Variants in SLC2A9 observed in about 807,000 individuals in gnomAD.
SLC2A9 encodes the protein solute carrier family 2 member 9, also known as solute carrier family 2, facilitated glucose transporter member 9.
In SLC2A9, 39 loss-of-function variants were observed where a neutral mutation model predicts 50.6. The ratio of observed to expected loss-of-function variants is 0.77; its 90% confidence interval spans 0.60 to 1.01. The LOEUF (loss-of-function observed/expected upper bound fraction) is 1.01. SLC2A9 is among the 50% of genes least tolerant of loss of function. The probability of loss-of-function intolerance (pLI) is 0.00; values close to 1 mark genes in which losing one functional copy is unlikely to be tolerated. For synonymous variants in SLC2A9, 324 were observed against 276.9 expected, an observed-to-expected ratio of 1.17 and a Z score of -1.69; for missense variants, 686 against 677.6, an observed-to-expected ratio of 1.01 and a Z score of -0.14.
intron 1 of SLC2A9, among the ~76,000 whole-genome samples, chr4:9,772,829 T>TG (rs147642873): frequency 6.6e-6 from 1 of 151,492 alleles, no homozygotes; most frequent in Admixed American, 6.6e-5. Context: ...TTTTTTATTT[T>TG]TTTTTTATTA....
At chr4:9,792,193 G>A (rs1720020884) in intron 3 of SLC2A9, among the ~76,000 whole-genome samples, 1 of 120,748 alleles carries the variant, frequency 8.3e-6, no homozygotes, top group African/African-American at 3.0e-5. Context: ...TTTTGTGGCA[G>A]GGAGACAGGG....
intron 6 of SLC2A9, among the ~76,000 whole-genome samples, chr4:9,928,236 G>GT (rs1745269167): frequency 2.6e-5 from 4 of 152,252 alleles, no homozygotes; most frequent in Admixed American, 2.0e-4. Context: ...CCTGCTGCTA[G>GT]CCTCAATGAC....
chr4:10,013,481 A>C (rs1762107713), intron 2 of SLC2A9, among the ~76,000 whole-genome samples: 1 of 152,236 alleles, frequency 6.6e-6, no homozygotes, highest in Non-Finnish European at 1.5e-5. Context: ...CCCACCCCTG[A>C]AACTTGGATG....
chr4:9,905,047 G>A (rs762829816), intron 8 of SLC2A9, among the ~76,000 whole-genome samples: 8 of 152,184 alleles, frequency 5.3e-5, no homozygotes, highest in Non-Finnish European at 1.0e-4. Flanking sequence ...AGGGAAGCTC[G>A]TCTCAGTGTT....
At chr4:9,961,588 G>A (rs912524939) in intron 5 of SLC2A9, among the ~76,000 whole-genome samples, 1 of 152,090 alleles carries the variant, frequency 6.6e-6, no homozygotes, top group South Asian at 2.1e-4. Flanking sequence ...AAACCTAAAT[G>A]TAAAACCCAA....
Position 9,920,455 on chromosome 4 carries a change from G to A in SLC2A9, c.932C>T (p.Pro311Leu), listed in dbSNP as rs762245449. 6.2e-7 allele frequency: 1 copy of A among 1,614,168 alleles called. No individual in the cohort carries two copies. Among genetic ancestry groups the A allele is most frequent in the Non-Finnish European group, 8.5e-7 (1 of 1,180,026 alleles). The change falls in exon 7 of 12, where the codon CCC becomes CTC. Residue 311 changes from proline to leucine, a missense_variant. Transcript: ENST00000264784. ...GGTGACCACCTGCCAGCGGACGTAG[G>A]GAGCTCTCAGCAGCTCCAGCACGGA... ...LVSVLELLRAPYVRWQVVTVI... is the reference protein window; with the variant it reads ...LVSVLELLRALYVRWQVVTVI...
intron 10 of SLC2A9, among the ~76,000 whole-genome samples, chr4:9,884,217 C>T (rs1384354199): frequency 6.6e-6 from 1 of 152,242 alleles, no homozygotes; most frequent in Non-Finnish European, 1.5e-5. Flanking sequence ...AGAATTCAGA[C>T]TGCACATGTG....
intron 7 of SLC2A9, among the ~76,000 whole-genome samples, chr4:9,917,812 G>A (rs1006200270): frequency 6.6e-6 from 1 of 152,210 alleles, no homozygotes; most frequent in Non-Finnish European, 1.5e-5. Flanking sequence ...GGGGCAGATG[G>A]TGCTACTGGT....
downstream of SLC2A9, among the ~76,000 whole-genome samples, chr4:9,796,998 T>C (rs1162229168): frequency 1.3e-5 from 2 of 152,206 alleles, no homozygotes; most frequent in Admixed American, 6.5e-5. Flanking sequence ...GGATGTTTGC[T>C]GAATAATAAT....
At chr4:9,855,603 T>G (rs1442278849) in intron 10 of SLC2A9, among the ~76,000 whole-genome samples, 1 of 152,088 alleles carries the variant, frequency 6.6e-6, no homozygotes, top group Non-Finnish European at 1.5e-5. Context: ...TTCACAGAAT[T>G]AGAAAAAACT....
At chr4:9,811,409 C>G (rs1338786148) in intron 3 of SLC2A9, among the ~76,000 whole-genome samples, 1 of 152,222 alleles carries the variant, frequency 6.6e-6, no homozygotes, top group Non-Finnish European at 1.5e-5. Context: ...CTTGCAGGTT[C>G]TATTCCTGCT....
intron 5 of SLC2A9, among the ~76,000 whole-genome samples, chr4:9,953,930 C>T (rs1373476787): frequency 6.6e-6 from 1 of 152,204 alleles, no homozygotes; most frequent in Non-Finnish European, 1.5e-5. Flanking sequence ...CTGCCTCAGC[C>T]TCCCGAGTAG....
At chr4:9,898,405 G>A (rs951126675) in intron 8 of SLC2A9, among the ~76,000 whole-genome samples, 4 of 152,210 alleles carry the variant, frequency 2.6e-5, no homozygotes, top group African/African-American at 9.7e-5. Flanking sequence ...CAAATTTGAT[G>A]TAATGTGCTT....
At chr4:9,841,958 A>T (rs1347122830) in intron 10 of SLC2A9, among the ~76,000 whole-genome samples, 1 of 152,154 alleles carries the variant, frequency 6.6e-6, no homozygotes, top group African/African-American at 2.4e-5. Flanking sequence ...GGGTTCATAA[A>T]ATCTCCTTCT....
intron 5 of SLC2A9, among the ~76,000 whole-genome samples, chr4:9,965,344 C>CATTA (rs371111272): frequency 1.4e-3 from 218 of 152,300 alleles, no homozygotes; most frequent in African/African-American, 4.8e-3. Flanking sequence ...TAGAATCACA[C>CATTA]ATTATCACCC....
intron 4 of SLC2A9, among the ~76,000 whole-genome samples, chr4:9,982,342 G>A (rs568488296): frequency 6.6e-5 from 10 of 152,298 alleles, no homozygotes; most frequent in South Asian, 2.1e-4. Context: ...AAGTCCTGGC[G>A]TGACTCCAAC....
chr4:9,841,967 C>T (rs921753898), intron 10 of SLC2A9, among the ~76,000 whole-genome samples: 5 of 152,206 alleles, frequency 3.3e-5, no homozygotes, highest in African/African-American at 1.2e-4. Flanking sequence ...AAATCTCCTT[C>T]TCTGGTCAGT....
intron 2 of SLC2A9, among the ~76,000 whole-genome samples, chr4:10,003,819 A>G (rs923785961): frequency 1.3e-5 from 2 of 152,250 alleles, no homozygotes; most frequent in African/African-American, 2.4e-5. Context: ...CAGTAACCAT[A>G]TAATAATAAA....
At chr4:9,945,466 GCAGA>G (rs1350107955) in intron 5 of SLC2A9, among the ~76,000 whole-genome samples, 1 of 152,116 alleles carries the variant, frequency 6.6e-6, no homozygotes. Context: ...ACAATAGCTC[GCAGA>G]CAGAGAGCCT....
Sources: allele counts gnomAD v4.1 joint callset (sites outside exome capture counted in the v4.1 genomes callset), GRCh38; gene constraint gnomAD v4.1.1; transcripts MANE v1.5; gene names NCBI Gene and HGNC (gene_info 2026-07-23, HGNC 2026-07-21).